Variants in KCNK18 observed in about 807,000 individuals in gnomAD.
KCNK18 encodes the protein potassium two pore domain channel subfamily K member 18, also known as potassium channel subfamily K member 18.
KCNK18 carries 8 observed loss-of-function variants against 11.8 expected under a neutral mutation model. The observed-to-expected ratio is 0.68, with a 90% CI of 0.40 to 1.22. The LOEUF (loss-of-function observed/expected upper bound fraction) is 1.22. Among genes scored for constraint, KCNK18 ranks in the 50% most tolerant of loss-of-function variants. The pLI is 0.01. For synonymous variants in KCNK18, 208 were observed against 185.8 expected (o/e 1.12, Z -0.97); for missense variants, 442 against 465.4 (o/e 0.95, Z 0.46).
At chr10:117,207,481 T>C (rs1036883727) in intron 2 of KCNK18, among the ~76,000 whole-genome samples, 5 of 152,240 alleles carry the variant, frequency 3.3e-5, no homozygotes, top group Admixed American at 2.6e-4. Flanking sequence ...AGAGATCGTA[T>C]CCCATATCTA....
chr10:117,210,202 T>G lies in KCNK18; in HGVS notation c.1058T>G (p.Ile353Ser), dbSNP rs1238070836. 1 of 1,614,218 alleles carries G rather than the reference T, an allele frequency of 6.2e-7. No homozygotes were observed. Among genetic ancestry groups the G allele is most frequent in the Non-Finnish European group, 8.5e-7 (1 of 1,180,020 alleles). The change falls in exon 3 of 3, where the codon ATT becomes AGT. Residue 353 changes from isoleucine to serine, a missense_variant. By Grantham distance (142) the Ile-to-Ser change is moderately radical. Coordinates refer to ENST00000334549, the MANE Select transcript of KCNK18 (RefSeq NM_181840.1). ...YIIVGMEIVF[I>S]AFKLVQNRLI... ...ATCGTTGGAATGGAGATTGTGTTCA[T>G]TGCTTTCAAGTTGGTGCAAAACAGG...
At chr10:117,207,520 T>G (rs115287626) in intron 2 of KCNK18, among the ~76,000 whole-genome samples, 136 of 152,358 alleles carry the variant, frequency 8.9e-4, no homozygotes, top group African/African-American at 3.1e-3. Flanking sequence ...CCACAGTGCA[T>G]GCAGTAAGCA....
chr10:117,200,200 C>T (rs1356517651), intron 1 of KCNK18, among the ~76,000 whole-genome samples: 1 of 152,188 alleles, frequency 6.6e-6, no homozygotes, highest in East Asian at 1.9e-4. Context: ...GCCTCAGCCT[C>T]CTGAGTAGCT....
rs1231644834 is a variant in KCNK18 at position 117,209,705 on chromosome 10, G to GA, written c.567dup (p.Pro190ThrfsTer8). 6.2e-7 allele frequency: 1 copy of GA among 1,613,910 alleles called. No homozygotes were observed. The highest frequency in any genetic ancestry group is 8.5e-7 in the Non-Finnish European group (1 of 1,179,964). ...AGTGGTGCCCCAAATCTCTCTTCAA[G>GA]AAAAAACCGGACCCCAAGCCCGCAG... On this transcript the variant is annotated frameshift_variant, in exon 3 of 3. Transcript: ENST00000334549. LOFTEE classifies it low-confidence loss of function (END_TRUNC).
chr10:117,205,670 G>A (rs929649352), intron 2 of KCNK18, among the ~76,000 whole-genome samples: 3 of 152,130 alleles, frequency 2.0e-5, no homozygotes, highest in Admixed American at 2.0e-4. Flanking sequence ...ACCTGGGCAG[G>A]AAGCATAGCA....
chr10:117,201,964 G>T (rs1220848765), intron 2 of KCNK18, among the ~76,000 whole-genome samples: 1 of 152,226 alleles, frequency 6.6e-6, no homozygotes, highest in Non-Finnish European at 1.5e-5. Context: ...GCCAAACCAG[G>T]CCAGGCAGGA....
Position 117,210,184 on chromosome 10 carries a change from G to T in KCNK18, c.1040G>T (p.Gly347Val). The T allele has an allele frequency of 6.2e-7, 1 of 1,614,010 alleles. No homozygotes were observed. The highest frequency in any genetic ancestry group is 8.5e-7 in the Non-Finnish European group (1 of 1,179,890). The change falls in exon 3 of 3, where the codon GGA (glycine) becomes GTA (valine). Residue 347 changes from glycine to valine, a missense_variant. Transcript: ENST00000334549. ...FLFFSIYIIV[G>V]MEIVFIAFKL... ...TTCTTCTCCATTTATATCATCGTTGGAATGGAGATTGTGTTCATTGCTTTC... is the reference window on the plus strand; with the variant it reads ...TTCTTCTCCATTTATATCATCGTTGTAATGGAGATTGTGTTCATTGCTTTC...
In KCNK18 at chr10:117,210,155, C is replaced by T. The variant is rs558023580; in HGVS notation, c.1011C>T (p.Phe337=). 3.3e-4 allele frequency: 540 copies of T among 1,614,214 alleles called. 7 individuals carry two copies. In the South Asian group the frequency reaches 5.6e-3, roughly 17 times the overall value. The change falls in exon 3 of 3, where the codon TTC becomes TTT. Residue 337 remains phenylalanine, a synonymous_variant. Coordinates refer to ENST00000334549, the MANE Select transcript of KCNK18 (RefSeq NM_181840.1). ...CTGTTTTAGAACACCCTAACTTCTT[C>T]CTGTTCTTCTCCATTTATATCATCG... The part of the protein sequence containing the change: ...GDTVLEHPNF[F]LFFSIYIIVG...
chr10:117,198,927 A>T (rs1202802617), intron 1 of KCNK18, among the ~76,000 whole-genome samples: 1 of 152,244 alleles, frequency 6.6e-6, no homozygotes, highest in African/African-American at 2.4e-5. Flanking sequence ...GCAACACATC[A>T]GAATCAACCA....
At chr10:117,206,346 C>T (rs1016826254) in intron 2 of KCNK18, among the ~76,000 whole-genome samples, 1 of 152,092 alleles carries the variant, frequency 6.6e-6, no homozygotes, top group Non-Finnish European at 1.5e-5. Flanking sequence ...GTCATATTAC[C>T]TCCTCTTCTC....
chr10:117,204,416 G>A (rs1185302989), intron 2 of KCNK18, among the ~76,000 whole-genome samples: 1 of 152,072 alleles, frequency 6.6e-6, no homozygotes, highest in African/African-American at 2.4e-5. Context: ...CAGCATCTCT[G>A]GCCTCCACCC....
At chr10:117,207,932 C>T (rs1039030956) in intron 2 of KCNK18, among the ~76,000 whole-genome samples, 2 of 152,184 alleles carry the variant, frequency 1.3e-5, no homozygotes, top group South Asian at 2.1e-4. Flanking sequence ...GTCCTCTGCT[C>T]GAATTGATGC....
rs1855117396 is a variant in KCNK18, at chr10:117,209,552, T to C, written c.408T>C (p.Tyr136=). Reference sequence around the variant, plus strand: ...TTGGCAAGTACTTGTGCATGCTCTATGCTCTCTTTGGTATCCCCCTGATGT... The same window carrying C: ...TTGGCAAGTACTTGTGCATGCTCTACGCTCTCTTTGGTATCCCCCTGATGT... ...TRLGKYLCML[Y]ALFGIPLMFL... The change falls in exon 3 of 3, where the codon TAT becomes TAC. Residue 136 remains tyrosine, a synonymous_variant. Coordinates refer to ENST00000334549, the MANE Select transcript of KCNK18 (RefSeq NM_181840.1). The C allele has an allele frequency of 1.2e-6, 2 of 1,614,204 alleles. No homozygotes were observed. Among genetic ancestry groups the C allele is most frequent in the East Asian group, 2.2e-5 (1 of 44,886 alleles).
Position 117,209,603 on chromosome 10 carries a change from C to T in KCNK18, c.459C>T (p.Asp153=). The change falls in exon 3 of 3, where the codon GAC becomes GAT. Residue 153 remains aspartate (D), a synonymous_variant. Transcript: ENST00000334549. Reference sequence around the variant, plus strand: ...TCCTCGTTCTCACGGACACAGGCGACATCCTGGCAACCATCTTATCTACAT... The same window carrying T: ...TCCTCGTTCTCACGGACACAGGCGATATCCTGGCAACCATCTTATCTACAT... The part of the protein sequence containing the change: ...LMFLVLTDTG[D]ILATILSTSY... 6.2e-7 allele frequency: 1 copy of T among 1,614,180 alleles called. No individual in the cohort carries two copies. Among genetic ancestry groups the T allele is most frequent in the Non-Finnish European group, 8.5e-7 (1 of 1,180,024 alleles).
Position 117,203,562 on chromosome 10 carries a change from CAG to C in KCNK18, c.352+2278_352+2279del, listed in dbSNP as rs1855039837. ...TTTGTTTTCCTCAAGCTTTTTGAGACAGAGTCTTGCTCTGTCGCCCAGACTGG... is the reference window on the plus strand; with the variant it reads ...TTTGTTTTCCTCAAGCTTTTTGAGACAGTCTTGCTCTGTCGCCCAGACTGG... On this transcript the variant is annotated intron_variant, in intron 2 of 2. Coordinates refer to ENST00000334549, the MANE Select transcript of KCNK18 (RefSeq NM_181840.1). 3.3e-5 allele frequency among the ~76,000 whole-genome samples: 5 copies of C among 152,320 alleles called. No homozygotes were observed. In the South Asian group the frequency reaches 8.3e-4, roughly 25 times the overall value.
chr10:117,206,939 C>T (rs993541441), intron 2 of KCNK18, among the ~76,000 whole-genome samples: 3 of 152,184 alleles, frequency 2.0e-5, no homozygotes, highest in African/African-American at 7.2e-5. Flanking sequence ...CCTCTCTCTT[C>T]ACCTGGCTAG....
intron 2 of KCNK18, among the ~76,000 whole-genome samples, chr10:117,204,136 C>G (rs1293264687): frequency 6.6e-6 from 1 of 152,016 alleles, no homozygotes; most frequent in Non-Finnish European, 1.5e-5. Flanking sequence ...GTGACGTGCA[C>G]CTGTAGTCCC....
chr10:117,197,626 C>T lies in KCNK18; in HGVS notation c.138C>T (p.Asp46=), dbSNP rs149711267. The part of the protein sequence containing the change: ...VGAVVFSAIE[D]GQVLVAADDG... Reference sequence around the variant, plus strand: ...CTGTGGTCTTCTCTGCCATTGAGGACGGCCAGGTCCTGGTGGCAGCAGATG... The same window carrying T: ...CTGTGGTCTTCTCTGCCATTGAGGATGGCCAGGTCCTGGTGGCAGCAGATG... Residue 46 remains aspartate (D), a synonymous_variant, in exon 1 of 3, where the codon GAC becomes GAT. Coordinates refer to ENST00000334549, the MANE Select transcript of KCNK18 (RefSeq NM_181840.1). The T allele has an allele frequency of 2.2e-4, 362 of 1,614,080 alleles. 1 individual carries two copies. The highest frequency in any genetic ancestry group is 9.9e-4 in the Middle Eastern group (6 of 6,084).
chr10:117,199,913 G>A (rs1418963867), intron 1 of KCNK18, among the ~76,000 whole-genome samples: 2 of 152,204 alleles, frequency 1.3e-5, no homozygotes, highest in South Asian at 4.1e-4. Flanking sequence ...GGCCAATCGA[G>A]CCATTCAGGA....
Sources: allele counts gnomAD v4.1 joint callset (sites outside exome capture counted in the v4.1 genomes callset), GRCh38; gene constraint gnomAD v4.1.1; transcripts MANE v1.5; gene names NCBI Gene and HGNC (gene_info 2026-07-23, HGNC 2026-07-21).